CLDN16: variants seen among roughly 807,000 people sequenced by gnomAD.
CLDN16 encodes claudin 16, also known as claudin-16.
In CLDN16, 13 loss-of-function variants were observed where a neutral mutation model predicts 24.6. That is an observed-to-expected ratio of 0.53 (90% CI 0.34 to 0.84). The LOEUF (loss-of-function observed/expected upper bound fraction) is 0.84. Ranked by LOEUF, CLDN16 falls within the 40% of genes least tolerant of loss-of-function variation. The probability of loss-of-function intolerance (pLI) is 0.01; values close to 1 mark genes in which losing one functional copy is unlikely to be tolerated. For synonymous variants in CLDN16, 116 were observed against 106.7 expected, an observed-to-expected ratio of 1.09 and a Z score of -0.54; for missense variants, 298 against 292.7, an observed-to-expected ratio of 1.02 and a Z score of -0.13.
rs759749571 is a variant in CLDN16 at position 190,404,889 on chromosome 3, C to G, written c.345C>G (p.Arg115=). ...FLPDEPYIKV[R]ICFVAGATLL... is the part of the protein sequence containing the mutation. The stretch of plus-strand genomic sequence containing the variant: ...CTGATGAGCCGTACATTAAAGTCCG[C>G]ATCTGCTTTGTTGCTGGAGCCACGT... The change falls in exon 3 of 5, where the codon CGC becomes CGG. Residue 115 remains arginine (R), a synonymous_variant. Coordinates refer to ENST00000264734, the MANE Select transcript of CLDN16 (RefSeq NM_006580.4). The G allele has an allele frequency of 6.2e-7, 1 of 1,614,084 alleles. No homozygotes were observed. The highest frequency in any genetic ancestry group is 1.1e-5 in the South Asian group (1 of 91,080).
At chr3:190,408,868 T>C (rs935246396) in intron 4 of CLDN16, among the ~76,000 whole-genome samples, 5 of 148,276 alleles carry the variant, frequency 3.4e-5, no homozygotes, top group East Asian at 1.9e-4. Flanking sequence ...GTATATATAC[T>C]ATATATACAT....
the CLDN16 span, among the ~76,000 whole-genome samples, chr3:190,316,818 T>G: frequency 0.29 from 43,990 of 152,034 alleles, 6,665 homozygotes; most frequent in East Asian, 0.57. Flanking sequence ...TATTCTCTTG[T>G]GTTTAGCTTA....
intron 1 of CLDN16, among the ~76,000 whole-genome samples, chr3:190,356,616 T>C (rs1717780013): frequency 6.6e-6 from 1 of 151,900 alleles, no homozygotes; most frequent in Non-Finnish European, 1.5e-5. Flanking sequence ...ATTTACTTTG[T>C]AATAAAGCTG....
the CLDN16 span, among the ~76,000 whole-genome samples, chr3:190,294,406 A>G: frequency 6.6e-6 from 1 of 152,178 alleles, no homozygotes; most frequent in African/African-American, 2.4e-5. Context: ...TTGAAAGACA[A>G]TGTATTAATA....
chr3:190,372,016 C>G (rs1411593329), intron 2 of CLDN16, among the ~76,000 whole-genome samples: 1 of 151,942 alleles, frequency 6.6e-6, no homozygotes, highest in African/African-American at 2.4e-5. Context: ...GTGTCTTAGT[C>G]TGGCTCTGAG....
At chr3:190,376,850 A>G (rs1718258819) in intron 3 of CLDN16, among the ~76,000 whole-genome samples, 1 of 151,976 alleles carries the variant, frequency 6.6e-6, no homozygotes, top group Non-Finnish European at 1.5e-5. Flanking sequence ...TCTCCTGGTA[A>G]TTCAATTTTA....
At chr3:190,345,747 A>G (rs1387972618) in intron 1 of CLDN16, among the ~76,000 whole-genome samples, 1 of 152,164 alleles carries the variant, frequency 6.6e-6, no homozygotes, top group Non-Finnish European at 1.5e-5. Flanking sequence ...GGCTAAAATA[A>G]ACACACTTTG....
intron 1 of CLDN16, among the ~76,000 whole-genome samples, chr3:190,391,356 C>A (rs190515980): frequency 6.6e-6 from 1 of 151,624 alleles, no homozygotes; most frequent in Non-Finnish European, 1.5e-5. Context: ...AAAGATAAAG[C>A]AAAAATTGCT....
intron 1 of CLDN16, among the ~76,000 whole-genome samples, chr3:190,363,578 ATATATATATATATATATATT>A (rs1203661947): frequency 1.1e-4 from 15 of 134,690 alleles, no homozygotes; most frequent in African/African-American, 3.8e-4. Context: ...ATATATATAT[ATATATATATATATATATATT>A]TTCTTTCTCC....
chr3:190,332,272 A>G lies in CLDN16; in HGVS notation n.121+9611A>G, dbSNP rs146148931. On this transcript the variant is annotated intron_variant and non_coding_transcript_variant, in intron 1 of 4. Transcript: ENST00000468220. ...GAGGCTATGTAAATATATTGCAGAT[A>G]ATTATTCACATATTTCTGAATTTAA... is the stretch of plus-strand genomic sequence containing the variant. Among the ~76,000 whole-genome samples, 123 of 152,344 alleles carry G rather than the reference A, an allele frequency of 8.1e-4. 1 individual carries two copies. Among genetic ancestry groups the G allele is most frequent in the African/African-American group, 2.8e-3 (116 of 41,580 alleles).
intron 3 of CLDN16, among the ~76,000 whole-genome samples, chr3:190,406,564 C>T (rs112531874): frequency 1.7e-3 from 259 of 152,062 alleles, no homozygotes; most frequent in African/African-American, 5.8e-3. Flanking sequence ...CAAAGCATGT[C>T]CTAAGCTTTG....
chr3:190,390,599 T>C (rs146154572), intron 1 of CLDN16, among the ~76,000 whole-genome samples: 47 of 152,278 alleles, frequency 3.1e-4, no homozygotes, highest in African/African-American at 1.1e-3. Flanking sequence ...ACAATCTCTT[T>C]AGTTGTCAAT....
chr3:190,369,358 G>A (rs1718086015), intron 1 of CLDN16, among the ~76,000 whole-genome samples: 1 of 151,844 alleles, frequency 6.6e-6, no homozygotes, highest in South Asian at 2.1e-4. Context: ...GATTCATAAA[G>A]CTATTGTAGA....
At chr3:190,291,500 A>G in the CLDN16 span, among the ~76,000 whole-genome samples, 1 of 152,104 alleles carries the variant, frequency 6.6e-6, no homozygotes, top group South Asian at 2.1e-4. Flanking sequence ...TCATGAGGAC[A>G]GCATGGGGGA....
chr3:190,333,544 ATC>A (rs1717228780), intron 1 of CLDN16, among the ~76,000 whole-genome samples: 4 of 91,528 alleles, frequency 4.4e-5, no homozygotes, highest in Non-Finnish European at 9.1e-5. Context: ...CTATCTATCT[ATC>A]TATCTATCTA....
intron 1 of CLDN16, among the ~76,000 whole-genome samples, chr3:190,347,301 A>G (rs1717571632): frequency 6.6e-6 from 1 of 152,190 alleles, no homozygotes; most frequent in South Asian, 2.1e-4. Flanking sequence ...AGGAGTCAAG[A>G]AAAACTACCA....
chr3:190,295,297 G>A, the CLDN16 span, among the ~76,000 whole-genome samples: 1 of 152,006 alleles, frequency 6.6e-6, no homozygotes, highest in Non-Finnish European at 1.5e-5. Flanking sequence ...AATAAACTCA[G>A]AGAAAAAAAG....
At chr3:190,395,839 T>C (rs1718806206) in intron 1 of CLDN16, among the ~76,000 whole-genome samples, 1 of 152,062 alleles carries the variant, frequency 6.6e-6, no homozygotes, top group Admixed American at 6.6e-5. Flanking sequence ...ACAATAAACA[T>C]TTACAAAATC....
At chr3:190,376,051 A>G (rs930915863) in intron 3 of CLDN16, among the ~76,000 whole-genome samples, 2 of 151,880 alleles carry the variant, frequency 1.3e-5, no homozygotes, top group African/African-American at 4.8e-5. Flanking sequence ...GGCAGGTACT[A>G]CTAGGTATAG....
Sources: gnomAD v4.1 joint callset for allele counts (sites outside exome capture counted in the v4.1 genomes callset) on GRCh38, gnomAD v4.1.1 for gene constraint, MANE v1.5 for transcripts, NCBI Gene and HGNC (gene_info 2026-07-23, HGNC 2026-07-21) for gene names.